The following VWC2L variants were observed in gnomAD, a reference collection of about 807,000 sequenced individuals.
VWC2L encodes the protein von Willebrand factor C domain-containing protein 2-like.
A neutral mutation model predicts 21.6 loss-of-function variants in VWC2L; 10 were observed. The ratio of observed to expected loss-of-function variants is 0.46; its 90% CI spans 0.29 to 0.78. The LOEUF is 0.78. VWC2L is among the 30% of genes least tolerant of loss of function. VWC2L has a pLI of 0.10. For missense variants in VWC2L, 209 were observed against 277.1 expected, an observed-to-expected ratio of 0.75 and a Z score of 1.74; for synonymous variants, 96 against 94.3, an observed-to-expected ratio of 1.02 and a Z score of -0.10.
intron 3 of VWC2L, among the ~76,000 whole-genome samples, chr2:214,496,130 T>C (rs1688808014): frequency 6.6e-6 from 1 of 151,924 alleles, no homozygotes; most frequent in South Asian, 2.1e-4. Context: ...GATCCTATGC[T>C]ACAAACCTGT....
intron 3 of VWC2L, among the ~76,000 whole-genome samples, chr2:214,527,636 T>C (rs1689363970): frequency 6.6e-6 from 1 of 152,144 alleles, no homozygotes; most frequent in South Asian, 2.1e-4. Flanking sequence ...TTAGCCTGAT[T>C]CCATCTTACC....
intron 3 of VWC2L, among the ~76,000 whole-genome samples, chr2:214,494,757 T>G (rs545226026): frequency 2.6e-5 from 4 of 151,388 alleles, no homozygotes; most frequent in South Asian, 4.2e-4. Flanking sequence ...CACAACTGTG[T>G]TTTTTTTATA....
At chr2:214,553,319 T>A (rs1017349283) in intron 3 of VWC2L, among the ~76,000 whole-genome samples, 1 of 152,254 alleles carries the variant, frequency 6.6e-6, no homozygotes, top group African/African-American at 2.4e-5. Flanking sequence ...CAGGGGATCA[T>A]GTGCCCAAAG....
intron 2 of VWC2L, among the ~76,000 whole-genome samples, chr2:214,423,015 A>C (rs1413452398): frequency 1.3e-5 from 2 of 152,182 alleles, no homozygotes; most frequent in African/African-American, 4.8e-5. Context: ...AATAGTATTG[A>C]AGATTTGAAG....
intron 3 of VWC2L, among the ~76,000 whole-genome samples, chr2:214,568,665 G>T (rs887383666): frequency 5.9e-5 from 9 of 152,138 alleles, no homozygotes; most frequent in African/African-American, 2.2e-4. Flanking sequence ...GCACAGGAAA[G>T]ACCCATTCCC....
At chr2:214,530,386 A>T (rs1443023268) in intron 3 of VWC2L, among the ~76,000 whole-genome samples, 1 of 152,182 alleles carries the variant, frequency 6.6e-6, no homozygotes, top group Non-Finnish European at 1.5e-5. Context: ...AGCAAAGTCT[A>T]CACTTTCTAA....
intron 2 of VWC2L, among the ~76,000 whole-genome samples, chr2:214,416,367 A>C (rs1702355217): frequency 6.6e-6 from 1 of 152,038 alleles, no homozygotes; most frequent in Admixed American, 6.6e-5. Flanking sequence ...ACTATAATCT[A>C]ATTAATCCCT....
intron 3 of VWC2L, among the ~76,000 whole-genome samples, chr2:214,551,503 T>C (rs555821338): frequency 6.6e-6 from 1 of 152,242 alleles, no homozygotes; most frequent in South Asian, 2.1e-4. Flanking sequence ...AAAAAATTAC[T>C]CAGAGAGAAA....
At chr2:214,467,208 C>T (rs969092575) in intron 3 of VWC2L, among the ~76,000 whole-genome samples, 1 of 152,168 alleles carries the variant, frequency 6.6e-6, no homozygotes, top group Non-Finnish European at 1.5e-5. Context: ...ATGTAGCTAG[C>T]TGGAACAGTC....
At chr2:214,544,135 C>T (rs1024681073) in intron 3 of VWC2L, among the ~76,000 whole-genome samples, 6 of 152,124 alleles carry the variant, frequency 3.9e-5, no homozygotes, top group Non-Finnish European at 8.8e-5. Context: ...GAATCCATGG[C>T]TTCTGATTCC....
At chr2:214,419,885 C>A (rs1475141446) in intron 2 of VWC2L, among the ~76,000 whole-genome samples, 1 of 152,002 alleles carries the variant, frequency 6.6e-6, no homozygotes, top group Non-Finnish European at 1.5e-5. Context: ...ATGGTGAAAC[C>A]CTGCCTCTAC....
chr2:214,464,983 TAGTC>T (rs998954930), intron 3 of VWC2L, among the ~76,000 whole-genome samples: 1 of 152,162 alleles, frequency 6.6e-6, no homozygotes, highest in African/African-American at 2.4e-5. Flanking sequence ...AAGGGCTTTT[TAGTC>T]AGCGTGTGGT....
chr2:214,574,147 C>T (rs190270735), intron 3 of VWC2L, among the ~76,000 whole-genome samples: 2 of 152,216 alleles, frequency 1.3e-5, no homozygotes, highest in East Asian at 3.9e-4. Flanking sequence ...ATCTCAAAAA[C>T]AATAACAACA....
chr2:214,438,428 AAAC>A (rs1407188755), intron 3 of VWC2L, among the ~76,000 whole-genome samples: 1 of 151,966 alleles, frequency 6.6e-6, no homozygotes. Context: ...GCAACTGTCT[AAAC>A]AAGTCCTTGA....
intron 3 of VWC2L, among the ~76,000 whole-genome samples, chr2:214,569,892 T>A (rs973197573): frequency 2.0e-5 from 3 of 152,162 alleles, no homozygotes; most frequent in Non-Finnish European, 4.4e-5. Flanking sequence ...AAACACAGAC[T>A]GGAAGAGGTG....
intron 1 of VWC2L, among the ~76,000 whole-genome samples, chr2:214,413,496 A>G (rs926818847): frequency 6.6e-6 from 1 of 152,038 alleles, no homozygotes; most frequent in Non-Finnish European, 1.5e-5. Context: ...TGTTTTTGTT[A>G]TCAACTTTAT....
chr2:214,442,711 T>G (rs1475149253), intron 3 of VWC2L, among the ~76,000 whole-genome samples: 1 of 152,108 alleles, frequency 6.6e-6, no homozygotes, highest in East Asian at 1.9e-4. Flanking sequence ...TTTATTGAAA[T>G]TTTTCTAGAG....
chr2:214,575,854 A>T lies in VWC2L; in HGVS notation c.*34A>T. 1 of 1,594,824 alleles carries T rather than the reference A, an allele frequency of 6.3e-7. No homozygotes were observed. The highest frequency in any genetic ancestry group is 8.6e-7 in the Non-Finnish European group (1 of 1,166,150). On this transcript the variant is annotated 3_prime_UTR_variant, in exon 4 of 4. Coordinates refer to ENST00000312504, the MANE Select transcript of VWC2L (RefSeq NM_001080500.4). ...TCCACCCAATGATGAGTTCTTAGGA[A>T]AGGATGCTATGGCTTCAACACTGCA...
chr2:214,529,139 C>T (rs891728977), intron 3 of VWC2L, among the ~76,000 whole-genome samples: 7 of 152,146 alleles, frequency 4.6e-5, no homozygotes, highest in African/African-American at 1.7e-4. Flanking sequence ...AGTCCTGATC[C>T]AACGCTCTTG....
Sources: gnomAD v4.1 joint callset for allele counts (sites outside exome capture counted in the v4.1 genomes callset) on GRCh38, gnomAD v4.1.1 for gene constraint, MANE v1.5 for transcripts, NCBI Gene and HGNC (gene_info 2026-07-23, HGNC 2026-07-21) for gene names.